Variants in HMGCLL1 observed in about 807,000 individuals in gnomAD.
HMGCLL1 encodes 3-hydroxymethyl-3-methylglutaryl-CoA lyase, cytoplasmic.
A neutral mutation model predicts 39.1 loss-of-function variants in HMGCLL1; 36 were observed. The observed-to-expected ratio is 0.92, with a 90% confidence interval of 0.71 to 1.22. HMGCLL1 has a LOEUF of 1.22. HMGCLL1 is among the 50% of genes most tolerant of loss of function. HMGCLL1 has a pLI of 0.00. For synonymous variants in HMGCLL1, 149 were observed against 144.0 expected (o/e 1.03, Z -0.25); for missense variants, 451 against 416.5 (o/e 1.08, Z -0.72).
chr6:55,607,291 T>C, the HMGCLL1 span, among the ~76,000 whole-genome samples: 4 of 152,228 alleles, frequency 2.6e-5, no homozygotes, highest in African/African-American at 7.2e-5. Flanking sequence ...TAAGTAGCTC[T>C]CAACTACATT....
chr6:55,533,653 G>A (rs1229900079), intron 3 of HMGCLL1, among the ~76,000 whole-genome samples: 3 of 151,806 alleles, frequency 2.0e-5, no homozygotes, highest in African/African-American at 4.8e-5. Context: ...TTGGGAGGCC[G>A]AGGCGGGCGG....
intron 7 of HMGCLL1, among the ~76,000 whole-genome samples, chr6:55,456,940 A>G (rs1178036741): frequency 6.6e-6 from 1 of 152,214 alleles, no homozygotes; most frequent in Non-Finnish European, 1.5e-5. Flanking sequence ...GTTGAAAATC[A>G]TCAGCACCTG....
chr6:55,492,259 T>C (rs796731617), intron 7 of HMGCLL1, among the ~76,000 whole-genome samples: 3 of 152,202 alleles, frequency 2.0e-5, no homozygotes, highest in South Asian at 2.1e-4. Flanking sequence ...GTTGGCCCTG[T>C]TCATAGTGAA....
chr6:55,503,656 G>A (rs1767010699), intron 5 of HMGCLL1, among the ~76,000 whole-genome samples: 1 of 151,660 alleles, frequency 6.6e-6, no homozygotes, highest in Non-Finnish European at 1.5e-5. Context: ...TTACAAGCTT[G>A]ATGCATTCAC....
At chr6:55,456,830 G>A (rs1251151600) in intron 7 of HMGCLL1, among the ~76,000 whole-genome samples, 1 of 152,130 alleles carries the variant, frequency 6.6e-6, no homozygotes, top group Non-Finnish European at 1.5e-5. Context: ...TTGCAACGGT[G>A]GGTTCCTGCT....
the HMGCLL1 span, among the ~76,000 whole-genome samples, chr6:55,638,520 G>A: frequency 1.3e-5 from 2 of 151,624 alleles, no homozygotes; most frequent in Non-Finnish European, 2.9e-5. Context: ...AGTTTAGACA[G>A]AAGCTAGCTA....
At chr6:55,533,967 TA>T (rs1019476878) in intron 3 of HMGCLL1, among the ~76,000 whole-genome samples, 2 of 148,900 alleles carry the variant, frequency 1.3e-5, no homozygotes, top group African/African-American at 4.9e-5. Flanking sequence ...GGTCTGGACA[TA>T]AAAAACAGCT....
chr6:55,646,556 C>A, the HMGCLL1 span, among the ~76,000 whole-genome samples: 1 of 151,850 alleles, frequency 6.6e-6, no homozygotes, highest in Non-Finnish European at 1.5e-5. Context: ...CTTAGTACTG[C>A]TTTTGCTCCA....
chr6:55,451,583 A>AAAAACAAAAAC (rs576473555), intron 7 of HMGCLL1, among the ~76,000 whole-genome samples: 12 of 66,738 alleles, frequency 1.8e-4, no homozygotes, highest in Admixed American at 6.5e-4. Flanking sequence ...AAACAAAAAC[A>AAAAACAAAAAC]AAAAAAGTCA....
the HMGCLL1 span, among the ~76,000 whole-genome samples, chr6:55,646,924 G>A: frequency 0.033 from 5,065 of 152,058 alleles, 133 homozygotes; most frequent in Non-Finnish European, 0.054. Context: ...TGTAGATTAA[G>A]TATGATATTT....
intron 1 of HMGCLL1, among the ~76,000 whole-genome samples, chr6:55,557,987 T>C (rs975624826): frequency 1.3e-5 from 2 of 152,144 alleles, no homozygotes. Context: ...GGTGCCTTAC[T>C]CAGGTTTGGT....
At chr6:55,633,436 G>A in the HMGCLL1 span, among the ~76,000 whole-genome samples, 1 of 151,258 alleles carries the variant, frequency 6.6e-6, no homozygotes, top group Non-Finnish European at 1.5e-5. Flanking sequence ...GCATAACATA[G>A]GATTAAACAT....
At chr6:55,675,220 T>C in the HMGCLL1 span, among the ~76,000 whole-genome samples, 1 of 152,118 alleles carries the variant, frequency 6.6e-6, no homozygotes, top group Non-Finnish European at 1.5e-5. Flanking sequence ...GAAGTTTCGA[T>C]AGTAAATTTT....
chr6:55,675,298 T>A, the HMGCLL1 span, among the ~76,000 whole-genome samples: 1 of 152,270 alleles, frequency 6.6e-6, no homozygotes, highest in East Asian at 1.9e-4. Context: ...TCTATTCTTA[T>A]CTTTTCTGAG....
intron 7 of HMGCLL1, among the ~76,000 whole-genome samples, chr6:55,445,998 G>A (rs370248391): frequency 6.6e-6 from 1 of 151,848 alleles, no homozygotes; most frequent in Non-Finnish European, 1.5e-5. Flanking sequence ...TGAAAATGTG[G>A]TTCAATATAT....
chr6:55,470,776 C>G (rs1765010865), intron 7 of HMGCLL1, among the ~76,000 whole-genome samples: 1 of 151,732 alleles, frequency 6.6e-6, no homozygotes, highest in Admixed American at 6.6e-5. Context: ...AACTTACAAT[C>G]ATGGTGGAAG....
intron 1 of HMGCLL1, among the ~76,000 whole-genome samples, chr6:55,565,042 G>T (rs563681707): frequency 6.6e-6 from 1 of 152,034 alleles, no homozygotes; most frequent in African/African-American, 2.4e-5. Flanking sequence ...GCTTAATCTA[G>T]AACTTAATTA....
chr6:55,661,238 T>G, the HMGCLL1 span, among the ~76,000 whole-genome samples: 1 of 151,998 alleles, frequency 6.6e-6, no homozygotes, highest in African/African-American at 2.4e-5. Context: ...TATTTGTTAA[T>G]TTTTGCTTTT....
the HMGCLL1 span, among the ~76,000 whole-genome samples, chr6:55,637,714 ATGTGTG>A: frequency 6.7e-6 from 1 of 148,592 alleles, no homozygotes; most frequent in Non-Finnish European, 1.5e-5. Flanking sequence ...ATAATTTGAT[ATGTGTG>A]TGTGTGTGTG....
Sources: allele counts gnomAD v4.1 joint callset (sites outside exome capture counted in the v4.1 genomes callset), GRCh38; gene constraint gnomAD v4.1.1; transcripts MANE v1.5; gene names NCBI Gene and HGNC (gene_info 2026-07-23, HGNC 2026-07-21).